NKAIN3: variants seen among roughly 807,000 people sequenced by gnomAD.
NKAIN3 encodes sodium/potassium transporting ATPase interacting 3.
In NKAIN3, 25 loss-of-function variants were observed where a neutral mutation model predicts 30.2. The ratio of observed to expected loss-of-function variants is 0.83; its 90% CI spans 0.60 to 1.16. The LOEUF is 1.16. Ranked by LOEUF, NKAIN3 falls within the 50% of genes most tolerant of loss-of-function variation. The pLI, the probability that NKAIN3 is intolerant of heterozygous loss-of-function variation, is 0.00. For synonymous variants in NKAIN3, 91 were observed against 89.6 expected (o/e 1.02, Z -0.09); for missense variants, 225 against 254.1 (o/e 0.89, Z 0.78).
chr8:62,524,727 G>A (rs1254205366), intron 1 of NKAIN3, among the ~76,000 whole-genome samples: 1 of 152,106 alleles, frequency 6.6e-6, no homozygotes, highest in African/African-American at 2.4e-5. Context: ...GTTTTAAGCG[G>A]AAGAGCTGTG....
downstream of NKAIN3, among the ~76,000 whole-genome samples, chr8:62,987,324 A>G (rs1488010793): frequency 4.6e-5 from 7 of 152,042 alleles, no homozygotes; most frequent in Non-Finnish European, 1.0e-4. Flanking sequence ...TTCTTGGAGA[A>G]TCACAGCTGC....
At chr8:62,731,077 C>T (rs762113761) in intron 3 of NKAIN3, among the ~76,000 whole-genome samples, 19 of 152,170 alleles carry the variant, frequency 1.2e-4, no homozygotes, top group Non-Finnish European at 2.8e-4. Flanking sequence ...CTACACTCCC[C>T]TTGTTTGTTC....
At chr8:62,955,889 G>A (rs1314247061) in intron 6 of NKAIN3, among the ~76,000 whole-genome samples, 1 of 152,170 alleles carries the variant, frequency 6.6e-6, no homozygotes, top group African/African-American at 2.4e-5. Flanking sequence ...ACCTAGCAGT[G>A]GATAGCTGAA....
chr8:62,757,895 G>T (rs1816507290), intron 4 of NKAIN3, among the ~76,000 whole-genome samples: 1 of 152,148 alleles, frequency 6.6e-6, no homozygotes, highest in African/African-American at 2.4e-5. Context: ...AAGGAACTAT[G>T]TTTCAGTTTG....
intron 1 of NKAIN3, among the ~76,000 whole-genome samples, chr8:62,522,241 G>A (rs6993807): frequency 0.014 from 2,193 of 152,028 alleles, 39 homozygotes; most frequent in African/African-American, 0.047. Context: ...AATTCCTATC[G>A]CCTAATGATA....
At chr8:62,401,027 C>T (rs186956613) in intron 1 of NKAIN3, among the ~76,000 whole-genome samples, 5,500 of 151,816 alleles carry the variant, frequency 0.036, 331 homozygotes, top group African/African-American at 0.12. Flanking sequence ...CTCACTCTCT[C>T]TCTCTCTCTC....
intron 1 of NKAIN3, among the ~76,000 whole-genome samples, chr8:62,297,476 GA>G (rs1275963624): frequency 5.3e-5 from 8 of 151,694 alleles, no homozygotes; most frequent in Non-Finnish European, 1.2e-4. Flanking sequence ...AAATTTACAA[GA>G]AAAAAACAAA....
intron 1 of NKAIN3, among the ~76,000 whole-genome samples, chr8:62,408,980 A>C (rs1010743738): frequency 2.0e-5 from 3 of 152,190 alleles, no homozygotes; most frequent in African/African-American, 7.2e-5. Context: ...ATATTGCGGA[A>C]AAAATAGAAA....
intron 1 of NKAIN3, among the ~76,000 whole-genome samples, chr8:62,408,633 T>C (rs1043838983): frequency 1.8e-4 from 28 of 152,346 alleles, no homozygotes; most frequent in African/African-American, 6.0e-4. Context: ...GATTCGTGTC[T>C]GGCAGTAGGT....
intron 3 of NKAIN3, among the ~76,000 whole-genome samples, chr8:62,736,527 A>G (rs1298302984): frequency 6.6e-6 from 1 of 152,020 alleles, no homozygotes; most frequent in African/African-American, 2.4e-5. Context: ...CACTCTCACC[A>G]TGTCACCGTG....
At chr8:62,435,882 A>T (rs1361512541) in intron 1 of NKAIN3, among the ~76,000 whole-genome samples, 1 of 152,182 alleles carries the variant, frequency 6.6e-6, no homozygotes, top group African/African-American at 2.4e-5. Flanking sequence ...TCTGTTTTGT[A>T]GATTTTCTTC....
intron 5 of NKAIN3, among the ~76,000 whole-genome samples, chr8:62,921,993 TG>T (rs1243355078): frequency 6.6e-6 from 1 of 152,214 alleles, no homozygotes; most frequent in East Asian, 1.9e-4. Flanking sequence ...AAATTGCAAC[TG>T]GCACATTTAT....
At chr8:62,254,718 G>C (rs1812213172) in intron 1 of NKAIN3, among the ~76,000 whole-genome samples, 1 of 152,048 alleles carries the variant, frequency 6.6e-6, no homozygotes, top group Non-Finnish European at 1.5e-5. Flanking sequence ...TAGGAAGCCA[G>C]GTCTGTGGAA....
intron 3 of NKAIN3, among the ~76,000 whole-genome samples, chr8:62,706,722 G>A (rs1814532709): frequency 6.6e-6 from 1 of 151,924 alleles, no homozygotes; most frequent in South Asian, 2.1e-4. Context: ...GGATACAGGT[G>A]GTATTTGGTT....
chr8:62,985,580 C>T (rs114786855), downstream of NKAIN3, among the ~76,000 whole-genome samples: 1 of 152,274 alleles, frequency 6.6e-6, no homozygotes, highest in East Asian at 1.9e-4. Flanking sequence ...ACTGTAGTCT[C>T]CACAAAAATT....
chr8:62,975,906 G>T lies in NKAIN3; in HGVS notation c.*10499G>T, dbSNP rs1823930790. On this transcript the variant is annotated 3_prime_UTR_variant, in exon 7 of 7. Transcript: ENST00000623646. ...TGTCTTTGTTCTTGTTGGTTTCAAA[G>T]AACTTATTTATTTCTGCTGTGATCT... 6.6e-6 allele frequency among the ~76,000 whole-genome samples: 1 copy of T among 152,122 alleles called. No individual in the cohort carries two copies. Among genetic ancestry groups the T allele is most frequent in the Non-Finnish European group, 1.5e-5 (1 of 68,024 alleles).
At position 62,459,440 on chromosome 8, in the gene NKAIN3, A is replaced by G. The variant is rs73261487; in HGVS notation, c.55-120099A>G. ...TACAGACATTTATCACATACTCAGT[A>G]CATGTCTATGGAGTGCCTGCTACTT... On this transcript the variant is annotated intron_variant, in intron 1 of 6. Coordinates refer to ENST00000623646, the MANE Select transcript of NKAIN3 (RefSeq NM_001304533.3). Among the ~76,000 whole-genome samples, 232 of 152,334 alleles carry G rather than the reference A, an allele frequency of 1.5e-3. 1 individual carries two copies. The highest frequency in any genetic ancestry group is 5.4e-3 in the African/African-American group (223 of 41,586).
At chr8:62,938,678 G>A (rs1822859393) in intron 5 of NKAIN3, among the ~76,000 whole-genome samples, 1 of 152,128 alleles carries the variant, frequency 6.6e-6, no homozygotes, top group South Asian at 2.1e-4. Flanking sequence ...CTCTTAGGAA[G>A]CCCCACCCCT....
intron 5 of NKAIN3, among the ~76,000 whole-genome samples, chr8:62,930,753 G>T (rs543571327): frequency 6.6e-6 from 1 of 150,582 alleles, no homozygotes; most frequent in South Asian, 2.1e-4. Flanking sequence ...ACCCAGGCTA[G>T]AGTGCAGTGG....
Sources: gnomAD v4.1 joint callset for allele counts (sites outside exome capture counted in the v4.1 genomes callset) on GRCh38, gnomAD v4.1.1 for gene constraint, MANE v1.5 for transcripts, NCBI Gene and HGNC (gene_info 2026-07-23, HGNC 2026-07-21) for gene names.